Variants in TASP1 observed in about 807,000 individuals in gnomAD.
TASP1 encodes taspase 1, also known as threonine aspartase 1.
In TASP1, 16 loss-of-function variants were observed where a neutral mutation model predicts 56.6. The ratio of observed to expected loss-of-function variants is 0.28; its 90% CI spans 0.19 to 0.43. The LOEUF (loss-of-function observed/expected upper bound fraction) is 0.43. Among genes scored for constraint, TASP1 ranks in the 20% least tolerant of loss-of-function variants. TASP1 has a pLI of 1.00. For missense variants in TASP1, 393 were observed against 511.6 expected, an observed-to-expected ratio of 0.77 and a Z score of 2.24; for synonymous variants, 179 against 184.2, an observed-to-expected ratio of 0.97 and a Z score of 0.23.
At chr20:13,126,461 C>T in the TASP1 span, 29 of 1,050,054 alleles carry the variant, frequency 2.8e-5, no homozygotes, top group Middle Eastern at 2.2e-4. Context: ...GAAAGTTGGA[C>T]CCCATTCATC....
At chr20:13,399,773 C>G (rs1049012127) in intron 13 of TASP1, among the ~76,000 whole-genome samples, 1 of 152,192 alleles carries the variant, frequency 6.6e-6, no homozygotes, top group Admixed American at 6.5e-5. Context: ...TCATTACTCC[C>G]CAGTGGCTCC....
the TASP1 span, among the ~76,000 whole-genome samples, chr20:13,221,077 C>T: frequency 6.6e-6 from 1 of 152,154 alleles, no homozygotes; most frequent in Non-Finnish European, 1.5e-5. Context: ...CTCCCCGGGA[C>T]TCCGAGTGCG....
intron 11 of TASP1, among the ~76,000 whole-genome samples, chr20:13,474,710 T>C (rs1482574288): frequency 6.6e-6 from 1 of 152,216 alleles, no homozygotes; most frequent in Admixed American, 6.5e-5. Context: ...GGAATCTTCA[T>C]ACTGTTTTCC....
chr20:13,157,083 C>T, the TASP1 span, among the ~76,000 whole-genome samples: 5,838 of 152,108 alleles, frequency 0.038, 164 homozygotes, highest in African/African-American at 0.081. Flanking sequence ...CGATTACCCA[C>T]GGAGGGTAGG....
At chr20:13,499,636 G>A (rs1294384494) in intron 10 of TASP1, among the ~76,000 whole-genome samples, 1 of 152,080 alleles carries the variant, frequency 6.6e-6, no homozygotes, top group East Asian at 1.9e-4. Flanking sequence ...GTTGAGGATG[G>A]TGGAGCAGAA....
the TASP1 span, among the ~76,000 whole-genome samples, chr20:13,257,090 G>A: frequency 6.6e-6 from 1 of 152,208 alleles, no homozygotes; most frequent in Non-Finnish European, 1.5e-5. Context: ...CCATTTTACT[G>A]GTGAGAAAGC....
chr20:13,205,499 C>T, the TASP1 span, among the ~76,000 whole-genome samples: 1 of 152,164 alleles, frequency 6.6e-6, no homozygotes, highest in Non-Finnish European at 1.5e-5. Context: ...AAGATCAAGA[C>T]CCTAGCTGAT....
chr20:13,511,202 A>T (rs1330893613), intron 10 of TASP1, among the ~76,000 whole-genome samples: 1 of 149,710 alleles, frequency 6.7e-6, no homozygotes, highest in Non-Finnish European at 1.5e-5. Context: ...CTAAAAGAAG[A>T]TTTTTTTTTT....
chr20:13,426,590 A>G (rs2042625255), intron 12 of TASP1, among the ~76,000 whole-genome samples: 1 of 152,208 alleles, frequency 6.6e-6, no homozygotes, highest in Admixed American at 6.5e-5. Context: ...CCTGGTATAA[A>G]CAAAGTGTCA....
At chr20:13,403,873 G>T (rs6109859) in intron 13 of TASP1, among the ~76,000 whole-genome samples, 15,837 of 151,998 alleles carry the variant, frequency 0.1, 1,642 homozygotes, top group African/African-American at 0.27. Flanking sequence ...CAGAGCAAGA[G>T]CCTATCTCGT....
At chr20:13,461,467 G>T (rs1400856160) in intron 11 of TASP1, among the ~76,000 whole-genome samples, 1 of 152,112 alleles carries the variant, frequency 6.6e-6, no homozygotes, top group Non-Finnish European at 1.5e-5. Flanking sequence ...TGAATAATAA[G>T]AAAATATATG....
chr20:13,324,849 T>C, the TASP1 span, among the ~76,000 whole-genome samples: 4 of 152,212 alleles, frequency 2.6e-5, no homozygotes, highest in Non-Finnish European at 4.4e-5. Context: ...TTTAAGTTTC[T>C]TATTTTCTGG....
chr20:13,114,191 C>A, the TASP1 span, among the ~76,000 whole-genome samples: 1 of 152,234 alleles, frequency 6.6e-6, no homozygotes, highest in Non-Finnish European at 1.5e-5. Flanking sequence ...TCAGTTTCTT[C>A]ATCTGTAACA....
the TASP1 span, among the ~76,000 whole-genome samples, chr20:13,321,650 A>G: frequency 4.6e-5 from 7 of 152,248 alleles, no homozygotes; most frequent in African/African-American, 7.2e-5. Flanking sequence ...CCTGGCACAC[A>G]CAGTGAGCTC....
In TASP1 at chr20:13,625,206, T is replaced by C; in HGVS notation, c.192A>G (p.Val64=). The part of the protein sequence containing the change: ...SESKAKEYKH[V]CKRACQKAIE... ...ATACCTTCTGACAAGCTCGTTTGCA[T>C]ACATGTTTATACTCCTTGGCTTTGG... Residue 64 remains valine (V), a synonymous_variant, in exon 3 of 14, where the codon GTA becomes GTG. Transcript: ENST00000337743. 1 of 1,611,304 alleles carries C rather than the reference T, an allele frequency of 6.2e-7. No homozygotes were observed. Among genetic ancestry groups the C allele is most frequent in the South Asian group, 1.1e-5 (1 of 90,384 alleles).
the TASP1 span, among the ~76,000 whole-genome samples, chr20:13,217,836 T>C: frequency 6.6e-6 from 1 of 152,262 alleles, no homozygotes; most frequent in Non-Finnish European, 1.5e-5. Flanking sequence ...ACAATGTCTA[T>C]GAACAAAGTT....
At chr20:13,580,741 AAAAC>A (rs2047091054) in intron 6 of TASP1, among the ~76,000 whole-genome samples, 152 bp downstream of exon 6, 1 of 152,146 alleles carries the variant, frequency 6.6e-6, no homozygotes, top group Admixed American at 6.5e-5. Flanking sequence ...TTTTCTATCC[AAAAC>A]TTTATTAGCT....
At chr20:13,155,981 G>T in the TASP1 span, among the ~76,000 whole-genome samples, 1 of 152,122 alleles carries the variant, frequency 6.6e-6, no homozygotes, top group Admixed American at 6.6e-5. Context: ...CTGTGATAAT[G>T]TTAAGGAGGG....
At chr20:13,319,773 G>A in the TASP1 span, among the ~76,000 whole-genome samples, 6 of 152,196 alleles carry the variant, frequency 3.9e-5, no homozygotes, top group South Asian at 2.1e-4. Flanking sequence ...TGAGAGAGAC[G>A]TGGGGACAGC....
Sources: gnomAD v4.1 joint callset for allele counts (sites outside exome capture counted in the v4.1 genomes callset) on GRCh38, gnomAD v4.1.1 for gene constraint, MANE v1.5 for transcripts, NCBI Gene and HGNC (gene_info 2026-07-23, HGNC 2026-07-21) for gene names.